Variants in STARD5 observed in about 807,000 individuals in gnomAD.
STARD5 encodes stAR-related lipid transfer protein 5.
A neutral mutation model predicts 24.6 loss-of-function variants in STARD5; 26 were observed. That is an observed-to-expected ratio of 1.06 (90% CI 0.77 to 1.47). STARD5 has a LOEUF of 1.47. Among genes scored for constraint, STARD5 ranks in the 40% most tolerant of loss-of-function variants. STARD5 has a pLI of 0.00. For synonymous variants in STARD5, 101 were observed against 99.7 expected (o/e 1.01, Z -0.07); for missense variants, 254 against 270.8 (o/e 0.94, Z 0.44).
Position 81,313,387 on chromosome 15 carries a change from T to G in STARD5, c.511A>C (p.Asn171His). 1 of 1,555,898 alleles carries G rather than the reference T, an allele frequency of 6.4e-7. No homozygotes were observed. The highest frequency in any genetic ancestry group is 1.4e-5 in the African/African-American group (1 of 72,584). The change falls in exon 6 of 6, where the codon AAC (asparagine) becomes CAC (histidine). Residue 171 changes from asparagine to histidine, a missense_variant. Coordinates refer to ENST00000302824, the MANE Select transcript of STARD5 (RefSeq NM_181900.3). ...EPLPGEPTKT[N>H]LVTFFHTDLS... ...TCGGTATGGAAGAATGTGACCAGGT[T>G]GGTCTTGGTGGGTTCCCTGTGAAGG... is the stretch of plus-strand genomic sequence containing the variant.
intron 1 of STARD5, 133 bp from the exon 2 acceptor site, chr15:81,323,081 G>A (rs562972208): frequency 1.2e-5 from 11 of 924,856 alleles, no homozygotes; most frequent in Admixed American, 9.5e-5. Flanking sequence ...CAACCCATAC[G>A]TGGAAAAGCT....
rs1596073300 is a variant in STARD5 at position 81,324,032 on chromosome 15, T to C, written c.68A>G (p.Asp23Gly). The change falls in exon 1 of 6, where the codon GAC becomes GGC. Residue 23 changes from aspartate (D) to glycine (G), a missense_variant. Physicochemically the swap from Asp to Gly is moderately conservative, Grantham distance 94 (BLOSUM62 -1). Transcript: ENST00000302824. ...CCGGCAAATCTTCCAGCCTGCTGTG[T>C]CCCGCCGGTACTGGAGCATCTTCTC... ...VAEKMLQYRR[D>G]TAGWKICREG... 1 of 1,604,100 alleles carries C rather than the reference T, an allele frequency of 6.2e-7. No individual in the cohort carries two copies. Among genetic ancestry groups the C allele is most frequent in the Non-Finnish European group, 8.5e-7 (1 of 1,175,244 alleles).
chr15:81,314,110 A>G (rs1388026472), intron 5 of STARD5: 1 of 152,184 alleles, frequency 6.6e-6, no homozygotes, highest in Non-Finnish European at 1.5e-5. Flanking sequence ...CAAATTTACC[A>G]GTTACAATTT....
In STARD5 at chr15:81,311,549, A is replaced by T. The variant is rs893372624; in HGVS notation, c.*1707T>A. ...CAGGCACAGTATGTCCCATAGGCCC[A>T]GTGAGATGCATTCTTGGTTGGCTGG... On this transcript the variant is annotated 3_prime_UTR_variant, in exon 6 of 6. Coordinates refer to ENST00000302824, the MANE Select transcript of STARD5 (RefSeq NM_181900.3). 2.0e-5 allele frequency: 3 copies of T among 152,294 alleles called. No homozygotes were observed. Among genetic ancestry groups the T allele is most frequent in the East Asian group, 1.9e-4 (1 of 5,200 alleles). The allele number at this position is 152,294 out of a possible 1,614,324, so 9.4% of individuals were successfully genotyped here.
intron 5 of STARD5, among the ~76,000 whole-genome samples, chr15:81,316,998 A>G (rs1596070620): frequency 6.6e-6 from 1 of 152,064 alleles, no homozygotes; most frequent in African/African-American, 2.4e-5. Flanking sequence ...GGAGTTCAAG[A>G]CCAGCCTGGA....
At chr15:81,316,752 G>A (rs917709690) in intron 5 of STARD5, among the ~76,000 whole-genome samples, 1 of 152,158 alleles carries the variant, frequency 6.6e-6, no homozygotes, top group East Asian at 1.9e-4. Flanking sequence ...AGCCTCATGA[G>A]AATAACTGCA....
chr15:81,320,141 G>A lies in STARD5; in HGVS notation c.283-685C>T, dbSNP rs146898352. 9.5e-4 allele frequency among the ~76,000 whole-genome samples: 144 copies of A among 152,192 alleles called. 2 individuals are homozygous for A. The East Asian group carries it at 0.025, about 26-fold the overall frequency. On this transcript the variant is annotated intron_variant, in intron 3 of 5. Coordinates refer to ENST00000302824, the MANE Select transcript of STARD5 (RefSeq NM_181900.3). ...AAGAGAGTGGGGCCCAGGCTCTCTC[G>A]AGGTCACAGTGGAGAAGTACAGGCC...
At chr15:81,320,177 T>C (rs1309726834) in intron 3 of STARD5, among the ~76,000 whole-genome samples, 1 of 152,166 alleles carries the variant, frequency 6.6e-6, no homozygotes. Context: ...AGGCCTGTGA[T>C]GGAACAGTCC....
At chr15:81,320,186 C>G (rs1901168507) in intron 3 of STARD5, among the ~76,000 whole-genome samples, 1 of 152,114 alleles carries the variant, frequency 6.6e-6, no homozygotes, top group Non-Finnish European at 1.5e-5. Flanking sequence ...ATGGAACAGT[C>G]CTGGAGAGAA....
chr15:81,314,838 A>G (rs576276637), intron 5 of STARD5, among the ~76,000 whole-genome samples: 109 of 143,290 alleles, frequency 7.6e-4, no homozygotes, highest in African/African-American at 2.6e-3. Flanking sequence ...GTGAGCCGAG[A>G]TTACACCATT....
intron 1 of STARD5, 75 bp downstream of exon 1, chr15:81,323,926 C>G (rs772865234): frequency 6.8e-7 from 1 of 1,463,446 alleles, no homozygotes; most frequent in Non-Finnish European, 9.4e-7. Context: ...GGAGAGGAGG[C>G]GCTTGGGGGC....
chr15:81,323,115 T>C, intron 1 of STARD5, 167 bp from the exon 2 acceptor site: 1 of 654,554 alleles, frequency 1.5e-6, no homozygotes, highest in Non-Finnish European at 2.7e-6. Flanking sequence ...GGCAAAGCTG[T>C]CCCCACAGCA....
At position 81,322,709 on chromosome 15, in the gene STARD5, G is replaced by A. The variant is rs1383293806; in HGVS notation, c.150-169C>T. The A allele has an allele frequency of 1.2e-5, 15 of 1,288,840 alleles. No homozygotes were observed. The Admixed American group carries it at 2.9e-4, about 25-fold the overall frequency. 79.8% of individuals were successfully genotyped at this position (1,288,840 alleles called of 1,614,324 possible). A position where few individuals can be genotyped will look rare whatever the true frequency, so the allele number is the denominator to read the frequency against. On this transcript the variant is annotated intron_variant, in intron 2 of 5. Coordinates refer to ENST00000302824, the MANE Select transcript of STARD5 (RefSeq NM_181900.3). ...AGCCCCGCCTCCCTTCAGGCCTGCAGAAATGGACAGTAAGCTTTCACAAGA... is the reference window on the plus strand; with the variant it reads ...AGCCCCGCCTCCCTTCAGGCCTGCAAAAATGGACAGTAAGCTTTCACAAGA...
In STARD5 at chr15:81,310,460, A is replaced by T. The variant is rs1243602335; in HGVS notation, c.*2796T>A. 6 of 152,262 alleles carry T rather than the reference A, an allele frequency of 3.9e-5. No individual in the cohort carries two copies. In the East Asian group the frequency reaches 1.2e-3, roughly 29 times the overall value. The allele number at this position is 152,262 out of a possible 1,614,324, so 9.4% of individuals were successfully genotyped here. A position where few individuals can be genotyped will look rare whatever the true frequency, so the allele number is the denominator to read the frequency against. On this transcript the variant is annotated 3_prime_UTR_variant, in exon 6 of 6. Transcript: ENST00000302824. ...CTGGTTAACTTGTTTGGCCTATTCC[A>T]TTCTGGATTTTGTCAAGCAGTAGAC...
chr15:81,324,102 C>A lies in STARD5; in HGVS notation c.-3G>T, dbSNP rs1006783820. On this transcript the variant is annotated 5_prime_UTR_variant, in exon 1 of 6. Coordinates refer to ENST00000302824, the MANE Select transcript of STARD5 (RefSeq NM_181900.3). ...TGGGCTGCCAGCGCCGGGTCCATTGCGTCGGGAGCTGCGCTTAGCTGCGGG... is the reference window on the plus strand; with the variant it reads ...TGGGCTGCCAGCGCCGGGTCCATTGAGTCGGGAGCTGCGCTTAGCTGCGGG... 2.8e-6 allele frequency: 4 copies of A among 1,449,606 alleles called. No individual in the cohort carries two copies. The highest frequency in any genetic ancestry group is 3.7e-6 in the Non-Finnish European group (4 of 1,089,098). The allele number at this position is 1,449,606 out of a possible 1,614,324, so 89.8% of individuals were successfully genotyped here.
intron 1 of STARD5, chr15:81,323,486 A>G (rs1210979144): frequency 2.1e-6 from 1 of 466,108 alleles, no homozygotes; most frequent in African/African-American, 2.0e-5. Flanking sequence ...ATGAAAAGTC[A>G]GAAGGGTCAA....
intron 3 of STARD5, among the ~76,000 whole-genome samples, chr15:81,321,900 A>T (rs80047768): frequency 6.6e-6 from 1 of 152,252 alleles, no homozygotes; most frequent in African/African-American, 2.4e-5. Context: ...TGAGATTTAC[A>T]TGTCAAAAAT....
chr15:81,319,590 A>G, intron 3 of STARD5, 134 bp from the exon 4 acceptor site: 1 of 764,670 alleles, frequency 1.3e-6, no homozygotes, highest in Non-Finnish European at 2.3e-6. Context: ...TAAGATCCAG[A>G]GCGAGTCTTC....
chr15:81,312,973 G>A lies in STARD5; in HGVS notation c.*283C>T, dbSNP rs750196381. 5.8e-4 allele frequency: 125 copies of A among 215,868 alleles called. No homozygotes were observed. The highest frequency in any genetic ancestry group is 2.0e-4 in the Non-Finnish European group (22 of 108,610). The allele number at this position is 215,868 out of a possible 1,614,324, so 13.4% of individuals were successfully genotyped here. A position where few individuals can be genotyped will look rare whatever the true frequency, so the allele number is the denominator to read the frequency against. On this transcript the variant is annotated 3_prime_UTR_variant, in exon 6 of 6. Transcript: ENST00000302824. ...TGTCCAGGCCGAGTCTCTGTCAGAT[G>A]GTTAGAGGCCTGGGTCTACCCTGCC...
Sources: allele counts gnomAD v4.1 joint callset (sites outside exome capture counted in the v4.1 genomes callset), GRCh38; gene constraint gnomAD v4.1.1; transcripts MANE v1.5; gene names NCBI Gene and HGNC (gene_info 2026-07-23, HGNC 2026-07-21).